Variants in SLC35F2 observed in about 807,000 individuals in gnomAD.
SLC35F2 encodes solute carrier family 35 member F2.
Under a neutral mutation model 38.1 loss-of-function variants are expected in SLC35F2, and 25 were observed. The observed-to-expected ratio is 0.66, with a 90% CI of 0.48 to 0.92. The LOEUF (loss-of-function observed/expected upper bound fraction) is 0.92, where lower values mean the gene tolerates loss of function less well. Ranked by LOEUF, SLC35F2 falls within the 40% of genes least tolerant of loss-of-function variation. The pLI, the probability that SLC35F2 is intolerant of heterozygous loss-of-function variation, is 0.00. For synonymous variants in SLC35F2, 173 were observed against 181.7 expected, an observed-to-expected ratio of 0.95 and a Z score of 0.38; for missense variants, 409 against 452.9, an observed-to-expected ratio of 0.90 and a Z score of 0.88.
chr11:107,825,616 A>G (rs1281495634), intron 1 of SLC35F2, among the ~76,000 whole-genome samples: 1 of 151,570 alleles, frequency 6.6e-6, no homozygotes, highest in Non-Finnish European at 1.5e-5. Flanking sequence ...TGATCCGCCC[A>G]CCTCGGCCCC....
rs539525052 is a variant in SLC35F2, at chr11:107,826,649, A to G, written c.111-10684T>C. ...GTTTTATAGATTTGCCTTTGAGGCCATGTAAGTATGTTACATAACTTATAA... is the reference window on the plus strand; with the variant it reads ...GTTTTATAGATTTGCCTTTGAGGCCGTGTAAGTATGTTACATAACTTATAA... On this transcript the variant is annotated intron_variant, in intron 1 of 7. Transcript: ENST00000525815. Among the ~76,000 whole-genome samples the G allele has an allele frequency of 1.8e-4, 28 of 152,352 alleles. No individual in the cohort carries two copies. In the South Asian group the frequency reaches 4.8e-3, roughly 26 times the overall value.
chr11:107,857,365 G>A (rs1028750727), intron 1 of SLC35F2, among the ~76,000 whole-genome samples: 1 of 148,946 alleles, frequency 6.7e-6, no homozygotes, highest in Non-Finnish European at 1.5e-5. Flanking sequence ...AGGAGAGAGG[G>A]AGAGAGGGAG....
intron 7 of SLC35F2, among the ~76,000 whole-genome samples, chr11:107,794,943 T>G (rs1859194564): frequency 6.6e-6 from 1 of 152,048 alleles, no homozygotes; most frequent in South Asian, 2.1e-4. Flanking sequence ...AAGAAGGCAA[T>G]CCCATTTACA....
intron 1 of SLC35F2, among the ~76,000 whole-genome samples, chr11:107,818,989 G>A (rs551944602): frequency 1.3e-5 from 2 of 152,008 alleles, no homozygotes; most frequent in Admixed American, 6.6e-5. Flanking sequence ...TTAAAAAAGT[G>A]GGGGGGTGGT....
At chr11:107,841,287 G>A (rs963975115) in intron 1 of SLC35F2, among the ~76,000 whole-genome samples, 14 of 152,202 alleles carry the variant, frequency 9.2e-5, no homozygotes, top group Admixed American at 2.6e-4. Flanking sequence ...GGCCGGCCGG[G>A]TGTGGCAGCT....
chr11:107,841,889 C>A (rs1860016769), intron 1 of SLC35F2, among the ~76,000 whole-genome samples: 1 of 151,652 alleles, frequency 6.6e-6, no homozygotes, highest in Admixed American at 6.6e-5. Flanking sequence ...ATAGTGAAAC[C>A]CCGTTTCTAC....
chr11:107,840,505 G>A (rs570837849), intron 1 of SLC35F2, among the ~76,000 whole-genome samples: 14 of 152,314 alleles, frequency 9.2e-5, no homozygotes, highest in East Asian at 1.9e-4. Context: ...TTCCCTCATT[G>A]CGGATTATCA....
At position 107,810,361 on chromosome 11, in the gene SLC35F2, G is replaced by A. The variant is rs1859463001; in HGVS notation, c.414+1306C>T. On this transcript the variant is annotated intron_variant, in intron 3 of 7. Coordinates refer to ENST00000525815, the MANE Select transcript of SLC35F2 (RefSeq NM_017515.5). ...AACTGTAAGTGTTCTGTTTAACTGT[G>A]TTTAGGCCTTGCACCAATTCAAAAC... is the stretch of plus-strand genomic sequence containing the variant. 4.1e-6 allele frequency: 4 copies of A among 984,770 alleles called. No homozygotes were observed. In the African/African-American group the frequency reaches 7.0e-5, roughly 17 times the overall value. The allele number at this position is 984,770 out of a possible 1,614,324, so 61.0% of individuals were successfully genotyped here. A position where few individuals can be genotyped will look rare whatever the true frequency, so the allele number is the denominator to read the frequency against.
At chr11:107,857,619 G>A (rs566606465) in intron 1 of SLC35F2, among the ~76,000 whole-genome samples, 2 of 152,090 alleles carry the variant, frequency 1.3e-5, no homozygotes, top group East Asian at 1.9e-4. Context: ...CACCTTTATC[G>A]ATCTCGTTTT....
intron 1 of SLC35F2, among the ~76,000 whole-genome samples, chr11:107,826,148 T>C (rs1050277913): frequency 6.6e-6 from 1 of 152,188 alleles, no homozygotes; most frequent in African/African-American, 2.4e-5. Flanking sequence ...AAGGCACATA[T>C]TTATATGTAC....
At chr11:107,811,951 G>T (rs1447221178) in intron 2 of SLC35F2, among the ~76,000 whole-genome samples, 157 bp from the exon 3 acceptor site, 1 of 151,694 alleles carries the variant, frequency 6.6e-6, no homozygotes, top group Non-Finnish European at 1.5e-5. Context: ...GCCCAGGTTG[G>T]AGTGCAGTGG....
At chr11:107,845,137 C>T (rs540099138) in intron 1 of SLC35F2, among the ~76,000 whole-genome samples, 2 of 152,196 alleles carry the variant, frequency 1.3e-5, no homozygotes, top group South Asian at 2.1e-4. Context: ...ATGCTCTTCC[C>T]CCAAGTATAT....
In SLC35F2 at chr11:107,805,476, C is replaced by T; in HGVS notation, c.614G>A (p.Gly205Glu). 4 of 1,613,882 alleles carry T rather than the reference C, an allele frequency of 2.5e-6. No individual in the cohort carries two copies. The highest frequency in any genetic ancestry group is 3.4e-6 in the Non-Finnish European group (4 of 1,179,956). ...ATTTGAAATGGCATAGAGGGAAGCC[C>T]CAAGAAGGACCAAGATGTCACCAAT... ...VLIGDILVLLGASLYAISNVC... is the reference protein window; with the variant it reads ...VLIGDILVLLEASLYAISNVC... The change falls in exon 5 of 8, where the codon GGG (glycine) becomes GAG (glutamate). Residue 205 changes from glycine to glutamate, a missense_variant. By Grantham distance (98) the Gly-to-Glu change is moderately conservative. Transcript: ENST00000525815.
At chr11:107,817,172 A>T (rs1447989728) in intron 1 of SLC35F2, among the ~76,000 whole-genome samples, 1 of 152,080 alleles carries the variant, frequency 6.6e-6, no homozygotes, top group African/African-American at 2.4e-5. Flanking sequence ...GCTACTCGGG[A>T]GGCTGAGGCA....
At chr11:107,799,536 T>C (rs564659663) in intron 7 of SLC35F2, among the ~76,000 whole-genome samples, 2 of 152,336 alleles carry the variant, frequency 1.3e-5, no homozygotes, top group Non-Finnish European at 2.9e-5. Context: ...GAAAAAAATC[T>C]GCACCCATCA....
rs1017525399 is a variant in SLC35F2 at position 107,838,714 on chromosome 11, T to C, written c.110+19944A>G. ...CGCTATCTCATCTCACTGCAACCTC[T>C]GCCTCCTGGGTTCAAGCGATTCTCC... is the stretch of plus-strand genomic sequence containing the variant. On this transcript the variant is annotated intron_variant, in intron 1 of 7. Coordinates refer to ENST00000525815, the MANE Select transcript of SLC35F2 (RefSeq NM_017515.5). Among the ~76,000 whole-genome samples, 61 of 140,208 alleles carry C rather than the reference T, an allele frequency of 4.4e-4. 2 individuals are homozygous for C. Among genetic ancestry groups the C allele is most frequent in the African/African-American group, 1.5e-3 (57 of 37,300 alleles). 92.0% of individuals were successfully genotyped at this position (140,208 alleles called of 152,430 possible).
chr11:107,842,287 T>TAAAAAAAAAAAAAAAAA (rs1292690214), intron 1 of SLC35F2, among the ~76,000 whole-genome samples: 14 of 71,250 alleles, frequency 2.0e-4, no homozygotes, highest in East Asian at 1.4e-3. Context: ...AAAAAAAAAT[T>TAAAAAAAAAAAAAAAAA]AAAGCTTGAC....
chr11:107,813,314 A>C (rs1345250113), intron 2 of SLC35F2, among the ~76,000 whole-genome samples: 1 of 151,982 alleles, frequency 6.6e-6, no homozygotes, highest in African/African-American at 2.4e-5. Context: ...GCGTGGTGGC[A>C]GGTGCCTGTA....
At chr11:107,815,399 A>T (rs1323267811) in intron 2 of SLC35F2, among the ~76,000 whole-genome samples, 2 of 146,540 alleles carry the variant, frequency 1.4e-5, no homozygotes, top group African/African-American at 2.7e-5. Context: ...TAAAAAAAAA[A>T]AAAAAAAATT....
Sources: gnomAD v4.1 joint callset for allele counts (sites outside exome capture counted in the v4.1 genomes callset) on GRCh38, gnomAD v4.1.1 for gene constraint, MANE v1.5 for transcripts, NCBI Gene and HGNC (gene_info 2026-07-23, HGNC 2026-07-21) for gene names.